HS6ST3: variants seen among roughly 807,000 people sequenced by gnomAD.
The protein encoded by HS6ST3 is heparan-sulfate 6-O-sulfotransferase 3.
Under a neutral mutation model 36.7 loss-of-function variants are expected in HS6ST3, and 12 were observed. That is an observed-to-expected ratio of 0.33 (90% CI 0.21 to 0.53). HS6ST3 has a LOEUF of 0.53. Among genes scored for constraint, HS6ST3 ranks in the 20% least tolerant of loss-of-function variants. The pLI is 0.95. For missense variants in HS6ST3, 584 were observed against 640.9 expected, an observed-to-expected ratio of 0.91 and a Z score of 0.96; for synonymous variants, 240 against 257.5, an observed-to-expected ratio of 0.93 and a Z score of 0.65.
chr13:96,712,342 A>C (rs1330651100), intron 1 of HS6ST3, among the ~76,000 whole-genome samples: 1 of 152,176 alleles, frequency 6.6e-6, no homozygotes, highest in East Asian at 1.9e-4. Flanking sequence ...TAATGCTTGT[A>C]AGAATTTGGA....
chr13:96,512,183 A>G (rs2056052651), intron 1 of HS6ST3, among the ~76,000 whole-genome samples: 1 of 152,036 alleles, frequency 6.6e-6, no homozygotes, highest in African/African-American at 2.4e-5. Flanking sequence ...CCTCATTGCC[A>G]CTCTCCAGTC....
intron 1 of HS6ST3, among the ~76,000 whole-genome samples, chr13:96,758,912 A>T (rs917176817): frequency 2.6e-5 from 4 of 151,872 alleles, no homozygotes; most frequent in African/African-American, 9.7e-5. Context: ...TTACTGAGAA[A>T]AATATGTTAC....
intron 1 of HS6ST3, among the ~76,000 whole-genome samples, chr13:96,722,208 T>C (rs1274132383): frequency 6.6e-6 from 1 of 152,054 alleles, no homozygotes; most frequent in Non-Finnish European, 1.5e-5. Flanking sequence ...GAGGTTTCAG[T>C]GAGCCAACAT....
intron 1 of HS6ST3, among the ~76,000 whole-genome samples, chr13:96,668,652 G>A (rs1380582925): frequency 7.9e-6 from 1 of 126,276 alleles, no homozygotes; most frequent in African/African-American, 2.9e-5. Context: ...AAAAGAGGAA[G>A]ATAAGAGAGG....
intron 1 of HS6ST3, among the ~76,000 whole-genome samples, chr13:96,251,872 T>G (rs2139377746): frequency 6.6e-6 from 1 of 152,342 alleles, no homozygotes; most frequent in South Asian, 2.1e-4. Context: ...TTATCCAATT[T>G]TCCTCCTGTT....
intron 1 of HS6ST3, among the ~76,000 whole-genome samples, chr13:96,143,002 C>T (rs1034812449): frequency 1.7e-4 from 26 of 152,000 alleles, no homozygotes; most frequent in Admixed American, 1.6e-3. Flanking sequence ...TTTTACCTCC[C>T]CCAAACCTTC....
intron 1 of HS6ST3, among the ~76,000 whole-genome samples, chr13:96,399,925 T>C (rs2055440913): frequency 6.6e-6 from 1 of 152,238 alleles, no homozygotes; most frequent in Non-Finnish European, 1.5e-5. Flanking sequence ...TCTGGTCTAA[T>C]TTACTACGTC....
At chr13:96,703,682 C>T (rs991138872) in intron 1 of HS6ST3, among the ~76,000 whole-genome samples, 6 of 152,134 alleles carry the variant, frequency 3.9e-5, no homozygotes, top group African/African-American at 1.4e-4. Flanking sequence ...TAGATATTTT[C>T]TGTTTTAAAG....
chr13:96,718,578 A>G (rs1223001552), intron 1 of HS6ST3, among the ~76,000 whole-genome samples: 2 of 152,228 alleles, frequency 1.3e-5, no homozygotes, highest in African/African-American at 2.4e-5. Context: ...GTGATTGACT[A>G]TAAAAAATAA....
At chr13:96,316,024 A>T (rs2054967163) in intron 1 of HS6ST3, among the ~76,000 whole-genome samples, 1 of 152,250 alleles carries the variant, frequency 6.6e-6, no homozygotes, top group Middle Eastern at 3.4e-3. Flanking sequence ...AATAATCATT[A>T]TTGTGTTGAT....
In HS6ST3 at chr13:96,260,477, A is replaced by G. The variant is rs934787069; in HGVS notation, c.707+168908A>G. Among the ~76,000 whole-genome samples, 16 of 151,306 alleles carry G rather than the reference A, an allele frequency of 1.1e-4. 1 individual carries two copies. The highest frequency in any genetic ancestry group is 8.6e-4 in the Admixed American group (13 of 15,168). On this transcript the variant is annotated intron_variant, in intron 1 of 1. Coordinates refer to ENST00000376705, the MANE Select transcript of HS6ST3 (RefSeq NM_153456.4). ...CAGGTGCCCACCACAACACCCAGCTAATTTTTAAAATATTTTTACTAGAGA... is the reference window on the plus strand; with the variant it reads ...CAGGTGCCCACCACAACACCCAGCTGATTTTTAAAATATTTTTACTAGAGA...
At chr13:96,691,759 T>A (rs1403712097) in intron 1 of HS6ST3, among the ~76,000 whole-genome samples, 1 of 152,118 alleles carries the variant, frequency 6.6e-6, no homozygotes, top group Non-Finnish European at 1.5e-5. Context: ...ATGTGTAACC[T>A]AAAGAAATTA....
intron 1 of HS6ST3, among the ~76,000 whole-genome samples, chr13:96,242,418 C>T (rs2054565236): frequency 6.6e-6 from 1 of 151,750 alleles, no homozygotes; most frequent in Non-Finnish European, 1.5e-5. Context: ...GGGTTTTTGC[C>T]ATGTTACCCA....
intron 1 of HS6ST3, among the ~76,000 whole-genome samples, chr13:96,812,583 T>C (rs966276210): frequency 5.3e-5 from 8 of 152,066 alleles, no homozygotes; most frequent in Middle Eastern, 3.2e-3. Context: ...AAAAAGACAA[T>C]GATGATCTAT....
intron 1 of HS6ST3, among the ~76,000 whole-genome samples, chr13:96,485,476 A>AT (rs2055909711): frequency 6.6e-6 from 1 of 152,006 alleles, no homozygotes; most frequent in Non-Finnish European, 1.5e-5. Context: ...GTTTCAGGAG[A>AT]TTTTTGTTAA....
At chr13:96,334,186 T>C (rs1017603514) in intron 1 of HS6ST3, among the ~76,000 whole-genome samples, 1 of 152,164 alleles carries the variant, frequency 6.6e-6, no homozygotes, top group African/African-American at 2.4e-5. Context: ...AGAGTTTGAA[T>C]ATAAGTTCAT....
At chr13:96,152,491 C>A (rs2054090836) in intron 1 of HS6ST3, among the ~76,000 whole-genome samples, 1 of 151,966 alleles carries the variant, frequency 6.6e-6, no homozygotes, top group South Asian at 2.1e-4. Flanking sequence ...GCGCCCGCCA[C>A]CACGCCCGGC....
chr13:96,251,559 T>G (rs781144153), intron 1 of HS6ST3, among the ~76,000 whole-genome samples: 1 of 152,124 alleles, frequency 6.6e-6, no homozygotes, highest in Non-Finnish European at 1.5e-5. Flanking sequence ...TTAAAGTCTC[T>G]ATTTCATTTA....
At chr13:96,548,263 G>A (rs560938065) in intron 1 of HS6ST3, among the ~76,000 whole-genome samples, 3 of 152,106 alleles carry the variant, frequency 2.0e-5, no homozygotes, top group African/African-American at 7.2e-5. Flanking sequence ...TAGGTTACAC[G>A]TCACATCCAG....
Sources: gnomAD v4.1 joint callset for allele counts (sites outside exome capture counted in the v4.1 genomes callset) on GRCh38, gnomAD v4.1.1 for gene constraint, MANE v1.5 for transcripts, NCBI Gene and HGNC (gene_info 2026-07-23, HGNC 2026-07-21) for gene names.